The following GCNT1 variants were observed in gnomAD, a reference collection of about 807,000 sequenced individuals.
The protein encoded by GCNT1 is beta-1,3-galactosyl-O-glycosyl-glycoprotein beta-1,6-N-acetylglucosaminyltransferase.
A neutral mutation model predicts 26.2 loss-of-function variants in GCNT1; 16 were observed. The ratio of observed to expected loss-of-function variants is 0.61; its 90% CI spans 0.41 to 0.93. GCNT1 has a LOEUF of 0.93. Among genes scored for constraint, GCNT1 ranks in the 40% least tolerant of loss-of-function variants. GCNT1 has a pLI of 0.00. For missense variants in GCNT1, 477 were observed against 526.7 expected, an observed-to-expected ratio of 0.91 and a Z score of 0.92; for synonymous variants, 183 against 190.8, an observed-to-expected ratio of 0.96 and a Z score of 0.34.
intron 2 of GCNT1, among the ~76,000 whole-genome samples, chr9:76,494,007 G>T (rs973259713): frequency 6.6e-6 from 1 of 152,020 alleles, no homozygotes; most frequent in South Asian, 2.1e-4. Flanking sequence ...TCAAGGGTGA[G>T]CCTGTTGATG....
At chr9:76,482,244 C>G (rs2131617401) in intron 2 of GCNT1, among the ~76,000 whole-genome samples, 1 of 152,108 alleles carries the variant, frequency 6.6e-6, no homozygotes, top group Non-Finnish European at 1.5e-5. Flanking sequence ...CAATGGCCCC[C>G]CAAATCTCCT....
intron 2 of GCNT1, among the ~76,000 whole-genome samples, chr9:76,481,659 G>C (rs529053285): frequency 6.6e-6 from 1 of 152,142 alleles, no homozygotes; most frequent in South Asian, 2.1e-4. Flanking sequence ...AGTTATAAAT[G>C]CACGTGATTT....
chr9:76,435,267 G>C (rs1823392601), intron 1 of GCNT1, among the ~76,000 whole-genome samples: 1 of 151,998 alleles, frequency 6.6e-6, no homozygotes, highest in Non-Finnish European at 1.5e-5. Context: ...GATATGTGAT[G>C]TCACCCCTGG....
chr9:76,440,620 G>C (rs1057315318), upstream of GCNT1, among the ~76,000 whole-genome samples: 2 of 152,200 alleles, frequency 1.3e-5, no homozygotes, highest in African/African-American at 4.8e-5. Context: ...CCAAAACCCA[G>C]AGGGGAGAAT....
intron 3 of GCNT1, among the ~76,000 whole-genome samples, chr9:76,501,436 ATT>A (rs1825066311): frequency 6.6e-6 from 1 of 152,234 alleles, no homozygotes; most frequent in African/African-American, 2.4e-5. Flanking sequence ...TGTATACACT[ATT>A]GTTTTCTGCA....
chr9:76,403,971 C>G, the GCNT1 span, among the ~76,000 whole-genome samples: 6 of 152,192 alleles, frequency 3.9e-5, no homozygotes, highest in African/African-American at 1.4e-4. Context: ...ACACTGGACT[C>G]TTTTCAGAAT....
chr9:76,479,754 G>T (rs1292477748), intron 2 of GCNT1, among the ~76,000 whole-genome samples: 5 of 152,148 alleles, frequency 3.3e-5, no homozygotes, highest in African/African-American at 1.2e-4. Flanking sequence ...CTGGATATTA[G>T]CCGTTTGTCA....
chr9:76,473,697 G>T lies in GCNT1; in HGVS notation c.-290+13520G>T, dbSNP rs73449896. Among the ~76,000 whole-genome samples, 909 of 152,330 alleles carry T rather than the reference G, an allele frequency of 6.0e-3. 9 individuals carry two copies. The highest frequency in any genetic ancestry group is 0.021 in the African/African-American group (857 of 41,568). On this transcript the variant is annotated intron_variant, in intron 2 of 3. Transcript: ENST00000376730. ...TAGGAGAGGCTAAGAATTTGCTGAA[G>T]TTTGGGTTGGGGAATGATGACTCCC...
At chr9:76,424,581 C>A (rs1823236146) in intron 1 of GCNT1, among the ~76,000 whole-genome samples, 1 of 151,794 alleles carries the variant, frequency 6.6e-6, no homozygotes, top group South Asian at 2.1e-4. Flanking sequence ...CTTTTTTCAT[C>A]TCAAAAAAAG....
chr9:76,417,414 T>G (rs1823142467), upstream of GCNT1, among the ~76,000 whole-genome samples: 1 of 152,184 alleles, frequency 6.6e-6, no homozygotes, highest in Non-Finnish European at 1.5e-5. Context: ...GAAGATTAAC[T>G]GACAATAGAT....
upstream of GCNT1, chr9:76,441,643 G>A (rs952274719): frequency 2.6e-5 from 4 of 152,376 alleles, no homozygotes; most frequent in Admixed American, 6.5e-5. Context: ...TTTGAGACAC[G>A]AAGAAAGTGT....
chr9:76,393,992 T>TC, the GCNT1 span: 1 of 1,150,844 alleles, frequency 8.7e-7, no homozygotes, highest in South Asian at 1.4e-5. Context: ...CTGCCCGCGG[T>TC]CCGGAGGCCC....
At chr9:76,493,172 G>C (rs1369003148) in intron 2 of GCNT1, among the ~76,000 whole-genome samples, 1 of 152,094 alleles carries the variant, frequency 6.6e-6, no homozygotes, top group Non-Finnish European at 1.5e-5. Flanking sequence ...CATCCTTCTA[G>C]AACACAGGTC....
chr9:76,414,253 G>T, the GCNT1 span, among the ~76,000 whole-genome samples: 1 of 152,062 alleles, frequency 6.6e-6, no homozygotes, highest in Non-Finnish European at 1.5e-5. Flanking sequence ...GCCTTTTAGT[G>T]TGCCTTGTCA....
chr9:76,477,397 G>A (rs1273675694), intron 2 of GCNT1, among the ~76,000 whole-genome samples: 2 of 151,962 alleles, frequency 1.3e-5, no homozygotes, highest in Admixed American at 6.5e-5. Flanking sequence ...ATGGTGGTGC[G>A]TGCCTGTAGT....
At chr9:76,435,193 C>A (rs1339690193) in intron 1 of GCNT1, among the ~76,000 whole-genome samples, 1 of 152,134 alleles carries the variant, frequency 6.6e-6, no homozygotes, top group African/African-American at 2.4e-5. Context: ...CAGCCCCTCC[C>A]CTTTTAAAAT....
At chr9:76,447,176 A>AAAAGAACAG (rs1823591275) in intron 1 of GCNT1, among the ~76,000 whole-genome samples, 1 of 150,330 alleles carries the variant, frequency 6.7e-6, no homozygotes, top group Non-Finnish European at 1.5e-5. Flanking sequence ...AAAAAAAAAA[A>AAAAGAACAG]AAAAGAACAG....
chr9:76,415,151 A>G (rs1445498032), upstream of GCNT1, among the ~76,000 whole-genome samples: 1 of 151,690 alleles, frequency 6.6e-6, no homozygotes, highest in Non-Finnish European at 1.5e-5. Flanking sequence ...TTGATTTCCT[A>G]GGCTCAGGTG....
At chr9:76,451,960 T>TC (rs1342042304) in intron 1 of GCNT1, among the ~76,000 whole-genome samples, 5 of 87,030 alleles carry the variant, frequency 5.7e-5, no homozygotes, top group Non-Finnish European at 9.8e-5. Context: ...TTTTTTTTTT[T>TC]TTTTTTGTTG....
Sources: gnomAD v4.1 joint callset for allele counts (sites outside exome capture counted in the v4.1 genomes callset) on GRCh38, gnomAD v4.1.1 for gene constraint, MANE v1.5 for transcripts, NCBI Gene and HGNC (gene_info 2026-07-23, HGNC 2026-07-21) for gene names.